The following NANS variants were observed in gnomAD, a reference collection of about 807,000 sequenced individuals.
NANS encodes N-acetylneuraminate synthase, also known as N-acetylneuraminate-9-phosphate synthase.
NANS carries 29 observed loss-of-function variants against 33.3 expected under a neutral mutation model. The ratio of observed to expected loss-of-function variants is 0.87; its 90% CI spans 0.65 to 1.19. The LOEUF is 1.19. Among genes scored for constraint, NANS ranks in the 50% most tolerant of loss-of-function variants. NANS has a pLI of 0.00. For synonymous variants in NANS, 163 were observed against 177.2 expected (o/e 0.92, Z 0.64); for missense variants, 394 against 461.1 (o/e 0.85, Z 1.33).
chr9:98,072,536 G>A (rs555180207), intron 2 of NANS, among the ~76,000 whole-genome samples: 60 of 151,662 alleles, frequency 4.0e-4, no homozygotes, highest in Non-Finnish European at 7.5e-4. Flanking sequence ...TCAGCCTCCC[G>A]AGTAGCTGGG....
intron 2 of NANS, among the ~76,000 whole-genome samples, chr9:98,064,242 A>G (rs1829068758): frequency 6.6e-6 from 1 of 152,126 alleles, no homozygotes; most frequent in South Asian, 2.1e-4. Flanking sequence ...TGTGTACTTA[A>G]CAATCCTAAT....
chr9:98,066,902 T>C (rs370098617), intron 2 of NANS, among the ~76,000 whole-genome samples: 296 of 152,272 alleles, frequency 1.9e-3, no homozygotes, highest in African/African-American at 6.9e-3. Context: ...CCACTTGCCT[T>C]GGCCTCCCAA....
At chr9:98,067,685 T>TA (rs1019454607) in intron 2 of NANS, among the ~76,000 whole-genome samples, 10 of 152,178 alleles carry the variant, frequency 6.6e-5, no homozygotes, top group Non-Finnish European at 1.2e-4. Context: ...TAAATGATTG[T>TA]AAAAAACTTT....
intron 2 of NANS, among the ~76,000 whole-genome samples, chr9:98,066,851 A>G (rs1829163436): frequency 1.3e-5 from 2 of 152,074 alleles, no homozygotes; most frequent in Non-Finnish European, 2.9e-5. Context: ...GGGTTTCACC[A>G]TGTTGACCAG....
intron 2 of NANS, among the ~76,000 whole-genome samples, chr9:98,066,236 A>C (rs1587909324): frequency 6.6e-6 from 1 of 152,340 alleles, no homozygotes; most frequent in East Asian, 1.9e-4. Context: ...GGCGGTTTCC[A>C]AAGTGTGGTT....
chr9:98,066,876 T>C (rs2417726), intron 2 of NANS, among the ~76,000 whole-genome samples: 93,468 of 152,026 alleles, frequency 0.61, 31,678 homozygotes, highest in African/African-American at 0.9. Context: ...ATCTTGAACT[T>C]CTAACCTCAG....
intron 3 of NANS, among the ~76,000 whole-genome samples, chr9:98,077,401 GGTCT>G (rs151037054): frequency 0.014 from 2,149 of 151,024 alleles, 45 homozygotes; most frequent in African/African-American, 0.05. Context: ...ATAGAGACAA[GGTCT>G]GTCTATGTTG....
At chr9:98,081,930 G>A (rs1381785193) in intron 5 of NANS, 1 of 152,348 alleles carries the variant, frequency 6.6e-6, no homozygotes, top group Middle Eastern at 3.4e-3. Context: ...CCAGAAACCA[G>A]AGTAAGATTT....
intron 2 of NANS, chr9:98,069,743 G>C (rs1829256157): frequency 6.6e-6 from 1 of 152,310 alleles, no homozygotes; most frequent in Non-Finnish European, 1.5e-5. Flanking sequence ...CCAAAGGTTA[G>C]TAAGGGGAAG....
intron 1 of NANS, among the ~76,000 whole-genome samples, chr9:98,058,213 G>A (rs1290811895): frequency 1.3e-5 from 2 of 152,002 alleles, no homozygotes; most frequent in Middle Eastern, 3.2e-3. Flanking sequence ...CACCACCCTC[G>A]GCCCTTGCTG....
intron 4 of NANS, among the ~76,000 whole-genome samples, chr9:98,080,490 T>A (rs1385741299): frequency 6.6e-6 from 1 of 152,278 alleles, no homozygotes; most frequent in Non-Finnish European, 1.5e-5. Context: ...GGTTTTTGAA[T>A]GAGGTTAGAC....
Position 98,082,953 on chromosome 9 carries a change from C to CAT in NANS, c.979_980dup (p.Phe328SerfsTer4). 1 of 1,614,172 alleles carries CAT rather than the reference C, an allele frequency of 6.2e-7. No homozygotes were observed. Among genetic ancestry groups the CAT allele is most frequent in the Non-Finnish European group, 8.5e-7 (1 of 1,180,042 alleles). ...AGCCCAAAGGCTATCCTCCTGAAGA[C>CAT]ATCTTTAATCTAGTGGGCAAGAAGG... is the stretch of plus-strand genomic sequence containing the variant. On this transcript the variant is annotated frameshift_variant, in exon 6 of 6. Coordinates refer to ENST00000210444, the MANE Select transcript of NANS (RefSeq NM_018946.4). LOFTEE classifies it high-confidence loss of function.
chr9:98,082,924 G>T lies in NANS; in HGVS notation c.949G>T (p.Gly317Cys). ...AATGGACATGCTCACCGTGAAGGTG[G>T]GTGAGCCCAAAGGCTATCCTCCTGA... The part of the protein sequence containing the change: ...LTMDMLTVKV[G>C]EPKGYPPEDI... The change falls in exon 6 of 6, where the codon GGT becomes TGT. Residue 317 changes from glycine (G) to cysteine (C), a missense_variant. Coordinates refer to ENST00000210444, the MANE Select transcript of NANS (RefSeq NM_018946.4). 1 of 1,614,192 alleles carries T rather than the reference G, an allele frequency of 6.2e-7. No individual in the cohort carries two copies. The highest frequency in any genetic ancestry group is 1.3e-5 in the African/African-American group (1 of 75,038).
At chr9:98,062,470 C>A (rs942167) in intron 2 of NANS, among the ~76,000 whole-genome samples, 1 of 151,930 alleles carries the variant, frequency 6.6e-6, no homozygotes, top group African/African-American at 2.4e-5. Context: ...AAAAATTTTA[C>A]TTGTAAAAAT....
At position 98,081,026 on chromosome 9, in the gene NANS, G is replaced by T. The variant is rs1295648221; in HGVS notation, c.814G>T (p.Ala272Ser). 1 of 1,614,200 alleles carries T rather than the reference G, an allele frequency of 6.2e-7. No individual in the cohort carries two copies. Among genetic ancestry groups the T allele is most frequent in the South Asian group, 1.1e-5 (1 of 91,086 alleles). ...GCGGTCAGTGCGTCTTGTGGAGCGT[G>T]CCCTGGGCTCCCCAACCAAGCAGCT... ...LVRSVRLVER[A>S]LGSPTKQLLP... is the part of the protein sequence containing the mutation. Residue 272 changes from alanine (A) to serine (S), a missense_variant, in exon 5 of 6, where the codon GCC becomes TCC. Physicochemically the swap from Ala to Ser is moderately conservative, Grantham distance 99. Transcript: ENST00000210444.
At position 98,056,859 on chromosome 9, in the gene NANS, C is replaced by T. The variant is rs1300812072; in HGVS notation, c.51C>T (p.His17=). 3 of 1,612,246 alleles carry T rather than the reference C, an allele frequency of 1.9e-6. No individual in the cohort carries two copies. The highest frequency in any genetic ancestry group is 2.5e-6 in the Non-Finnish European group (3 of 1,179,466). ...CCGGGCGCTGGGTGGGCGGGCAACA[C>T]CCGTGCTTCATCATTGCCGAGATCG... The part of the protein sequence containing the change: ...LCPGRWVGGQ[H]PCFIIAEIGQ... Residue 17 remains histidine, a synonymous_variant, in exon 1 of 6, where the codon CAC becomes CAT. Transcript: ENST00000210444.
chr9:98,066,065 A>C (rs1829138424), intron 2 of NANS, among the ~76,000 whole-genome samples: 2 of 152,134 alleles, frequency 1.3e-5, no homozygotes, highest in Admixed American at 6.6e-5. Flanking sequence ...TAGTTTTGTC[A>C]TCCCTCCTCC....
chr9:98,068,338 C>A (rs1443194966), intron 2 of NANS, among the ~76,000 whole-genome samples: 2 of 152,000 alleles, frequency 1.3e-5, no homozygotes, highest in African/African-American at 4.8e-5. Context: ...TGGAGTTTCA[C>A]CTTGTTGGTC....
chr9:98,082,338 T>C (rs991453107), intron 5 of NANS, among the ~76,000 whole-genome samples: 2 of 152,224 alleles, frequency 1.3e-5, no homozygotes, highest in Non-Finnish European at 2.9e-5. Context: ...CCCTATGTTA[T>C]GTTTCATCTT....
Sources: allele counts gnomAD v4.1 joint callset (sites outside exome capture counted in the v4.1 genomes callset), GRCh38; gene constraint gnomAD v4.1.1; transcripts MANE v1.5; gene names NCBI Gene and HGNC (gene_info 2026-07-23, HGNC 2026-07-21).